The following RGS3 variants were observed in gnomAD, a reference collection of about 807,000 sequenced individuals.
The protein encoded by RGS3 is regulator of G protein signaling 3, also known as regulator of G-protein signalling 3.
A neutral mutation model predicts 132.6 loss-of-function variants in RGS3; 80 were observed. The observed-to-expected ratio is 0.60, with a 90% CI of 0.50 to 0.73. The LOEUF (loss-of-function observed/expected upper bound fraction) is 0.73. Ranked by LOEUF, RGS3 falls within the 30% of genes least tolerant of loss-of-function variation. The pLI is 0.00. For synonymous variants in RGS3, 598 were observed against 620.6 expected (o/e 0.96, Z 0.54); for missense variants, 1,382 against 1,530.8 (o/e 0.90, Z 1.62).
chr9:113,565,727 C>A lies in RGS3; in HGVS notation c.2038-17723C>A, dbSNP rs1011671034. 1.2e-5 allele frequency: 3 copies of A among 246,356 alleles called. No homozygotes were observed. Among genetic ancestry groups the A allele is most frequent in the Admixed American group, 5.0e-5 (1 of 19,886 alleles). 15.3% of individuals were successfully genotyped at this position (246,356 alleles called of 1,614,324 possible). The stretch of plus-strand genomic sequence containing the variant: ...TCGCCTGGGTCCCTGCTGGAGTATG[C>A]TGGGTAGGTACCTTGGTGACAGGAC... On this transcript the variant is annotated intron_variant, in intron 19 of 24. Coordinates refer to ENST00000350696, the Ensembl canonical transcript of RGS3. This position sits in a 1 kb window ranked among gnomAD's most constrained non-coding sequence, Gnocchi z 5.7.
At chr9:113,596,860 C>G (rs56217951) in exon 25 of RGS3, 1 of 1,613,852 alleles carries the variant, frequency 6.2e-7, no homozygotes, top group Non-Finnish European at 8.5e-7. Context: ...AGCGCATCTT[C>G]GGGCTCATGG....
Position 113,501,399 on chromosome 9 carries a change from G to C in RGS3, c.897+3319G>C, listed in dbSNP as rs766538859. 4.2e-6 allele frequency: 6 copies of C among 1,434,916 alleles called. No homozygotes were observed. The African/African-American group carries it at 8.6e-5, about 20-fold the overall frequency. The allele number at this position is 1,434,916 out of a possible 1,614,324, so 88.9% of individuals were successfully genotyped here. ...GTTTCAGGAAGCCTTCGGGCTTATC[G>C]TGCAGAGGCACACAGCACAGACAGG... is the stretch of plus-strand genomic sequence containing the variant. On this transcript the variant is annotated intron_variant, in intron 10 of 24. Coordinates refer to ENST00000350696, the Ensembl canonical transcript of RGS3.
At chr9:113,543,128 C>G (rs1328843473) in intron 19 of RGS3, among the ~76,000 whole-genome samples, 1 of 152,198 alleles carries the variant, frequency 6.6e-6, no homozygotes, top group East Asian at 1.9e-4. Context: ...AAAAGGGTAT[C>G]AAGAGGATTA....
In RGS3 at chr9:113,596,826, G is replaced by T. The variant is rs200977038; in HGVS notation, c.3470G>T (p.Arg1157Leu). 759 of 1,613,608 alleles carry T rather than the reference G, an allele frequency of 4.7e-4. 1 individual carries two copies. Among genetic ancestry groups the T allele is most frequent in the Non-Finnish European group, 6.1e-4 (717 of 1,180,000 alleles). ...AAGGACAACCTGCAGAGCGTCACGC[G>T]GGGCTGCTTCGACCTGGCACAGAAG... is the stretch of plus-strand genomic sequence containing the variant. Residue 1157 changes from arginine to leucine, a missense_variant, in exon 25 of 25, where the codon CGG becomes CTG. Arg to Leu is a moderately radical substitution (Grantham distance 102, BLOSUM62 -2). Coordinates refer to ENST00000350696, the Ensembl canonical transcript of RGS3.
At chr9:113,539,160 G>A (rs148768900) in intron 19 of RGS3, among the ~76,000 whole-genome samples, 5 of 152,166 alleles carry the variant, frequency 3.3e-5, no homozygotes, top group African/African-American at 9.7e-5. Context: ...GTCCACTTGC[G>A]CTCAGTTCCG....
chr9:113,520,208 G>A (rs1171106173), intron 16 of RGS3, among the ~76,000 whole-genome samples: 2 of 152,234 alleles, frequency 1.3e-5, no homozygotes, highest in Admixed American at 1.3e-4. Flanking sequence ...AAGGCGACAG[G>A]TGATTGGGCC....
chr9:113,495,710 A>G (rs1160640328), intron 7 of RGS3, 76 bp from the exon 6 acceptor site: 2 of 1,198,410 alleles, frequency 1.7e-6, no homozygotes, highest in Non-Finnish European at 2.5e-6. Flanking sequence ...AGGCAAACCC[A>G]TGCTATACTT....
intron 19 of RGS3, among the ~76,000 whole-genome samples, chr9:113,548,852 A>G (rs1833218750): frequency 6.6e-6 from 1 of 152,196 alleles, no homozygotes; most frequent in African/African-American, 2.4e-5. Flanking sequence ...TTGGGCGCAC[A>G]GAGACTGGGA....
chr9:113,597,016 C>G (rs1835821898), exon 25 of RGS3: 1 of 1,411,156 alleles, frequency 7.1e-7, no homozygotes, highest in African/African-American at 1.4e-5. Context: ...CCACCTGCCT[C>G]CCTGCCCCCT....
intron 3 of RGS3, among the ~76,000 whole-genome samples, chr9:113,464,555 G>A (rs180890419): frequency 2.4e-4 from 37 of 152,300 alleles, no homozygotes; most frequent in African/African-American, 8.4e-4. Flanking sequence ...GGTAGCCATA[G>A]TAAAGGTAAC....
exon 23 of RGS3, chr9:113,594,931 G>A: frequency 1.9e-6 from 3 of 1,614,088 alleles, no homozygotes; most frequent in Non-Finnish European, 2.5e-6. Context: ...CCACCTCAGA[G>A]GAAGCCCTCA....
chr9:113,584,721 T>C (rs1835035016), intron 20 of RGS3, among the ~76,000 whole-genome samples: 1 of 152,202 alleles, frequency 6.6e-6, no homozygotes, highest in African/African-American at 2.4e-5. Flanking sequence ...TGTATTTGGA[T>C]TTAAAAGATC....
At chr9:113,594,383 G>C in intron 21 of RGS3, 47 bp from the exon 20 acceptor site, 1 of 1,606,614 alleles carries the variant, frequency 6.2e-7, no homozygotes, top group East Asian at 2.2e-5. Context: ...ATTTGCAGGG[G>C]CGAGTGGGCC....
intron 7 of RGS3, among the ~76,000 whole-genome samples, chr9:113,487,619 C>A (rs1249649569): frequency 6.6e-6 from 1 of 152,068 alleles, no homozygotes; most frequent in African/African-American, 2.4e-5. Context: ...GGTGAAAGGA[C>A]AGAAGAAAGA....
chr9:113,583,867 C>A, exon 20 of RGS3: 1 of 1,613,976 alleles, frequency 6.2e-7, no homozygotes, highest in Non-Finnish European at 8.5e-7. Flanking sequence ...AGATCTGCCT[C>A]CTAGCCAGGT....
intron 4 of RGS3, among the ~76,000 whole-genome samples, chr9:113,480,565 T>A (rs1391232949): frequency 6.6e-6 from 1 of 151,872 alleles, no homozygotes; most frequent in Non-Finnish European, 1.5e-5. Flanking sequence ...CACCCCTGTC[T>A]AGATGGTGTT....
At chr9:113,595,927 C>G (rs1835752176) in intron 24 of RGS3, among the ~76,000 whole-genome samples, 162 bp downstream of exon 22, 1 of 152,206 alleles carries the variant, frequency 6.6e-6, no homozygotes, top group Admixed American at 6.5e-5. Context: ...AGGGGAAGAA[C>G]AGAATCCCAG....
At chr9:113,564,829 T>G in intron 19 of RGS3, 2 of 680,188 alleles carry the variant, frequency 2.9e-6, no homozygotes, top group Non-Finnish European at 3.6e-6. Flanking sequence ...GGCAGTCGCA[T>G]TCTGGAAGTC....
rs58700904 is a variant in RGS3 at position 113,579,077 on chromosome 9, A to AC, written c.2038-4366dup. Among the ~76,000 whole-genome samples, 3 of 151,934 alleles carry AC rather than the reference A, an allele frequency of 2.0e-5. No homozygotes were observed. The highest frequency in any genetic ancestry group is 1.9e-4 in the East Asian group (1 of 5,158). ...GAGACAGAGGCAAACCCCAGTTTAC[A>AC]CCCCCCCAGTGCAGGAAGTGGTTTT... On this transcript the variant is annotated intron_variant, in intron 19 of 24. Transcript: ENST00000350696. The surrounding 1 kb of genome is among the most constrained non-coding windows in gnomAD (Gnocchi z 4.3).
Sources: gnomAD v4.1 joint callset for allele counts (sites outside exome capture counted in the v4.1 genomes callset) on GRCh38, gnomAD v4.1.1 for gene constraint, Gnocchi (gnomAD v3.1) non-coding constraint, MANE v1.5 for transcripts, NCBI Gene and HGNC (gene_info 2026-07-23, HGNC 2026-07-21) for gene names.